CDH18: variants seen among roughly 807,000 people sequenced by gnomAD.
The protein encoded by CDH18 is cadherin 18.
Under a neutral mutation model 67.9 loss-of-function variants are expected in CDH18, and 31 were observed. The ratio of observed to expected loss-of-function variants is 0.46; its 90% confidence interval spans 0.34 to 0.62. The LOEUF is 0.62. Ranked by LOEUF, CDH18 falls within the 20% of genes least tolerant of loss-of-function variation. The pLI is 0.01. For synonymous variants in CDH18, 362 were observed against 347.2 expected (o/e 1.04, Z -0.48); for missense variants, 890 against 975.5 (o/e 0.91, Z 1.17).
rs1022124799 is a variant in CDH18, at chr5:20,020,177, A to G, written c.-517-28163T>C. ...GTGGCCTGGCTGCTTCTAACAGTGT[A>G]TGCTTATATTTGTGAACAAGATATA... is the stretch of plus-strand genomic sequence containing the variant. On this transcript the variant is annotated intron_variant, in intron 2 of 14. Coordinates refer to the CDH18 transcript ENST00000507958. Among the ~76,000 whole-genome samples, 10 of 152,156 alleles carry G rather than the reference A, an allele frequency of 6.6e-5. No individual in the cohort carries two copies. In the East Asian group the frequency reaches 1.9e-3, roughly 29 times the overall value.
intron 3 of CDH18, among the ~76,000 whole-genome samples, chr5:19,777,502 A>C (rs897853008): frequency 2.0e-5 from 3 of 152,134 alleles, no homozygotes; most frequent in Admixed American, 6.5e-5. Flanking sequence ...CAACCAACAG[A>C]AGAAAGATTC....
intron 2 of CDH18, among the ~76,000 whole-genome samples, chr5:20,023,614 G>A (rs966094670): frequency 2.1e-5 from 3 of 144,336 alleles, no homozygotes; most frequent in Admixed American, 7.1e-5. Flanking sequence ...AGCCGAGATC[G>A]CGCCACTGCA....
chr5:20,070,754 T>A (rs1743412807), intron 2 of CDH18, among the ~76,000 whole-genome samples: 1 of 152,214 alleles, frequency 6.6e-6, no homozygotes, highest in African/African-American at 2.4e-5. Context: ...CTTAACACTG[T>A]ACTTTCATTT....
intron 1 of CDH18, among the ~76,000 whole-genome samples, chr5:20,462,890 C>T (rs1298394426): frequency 6.6e-6 from 1 of 152,170 alleles, no homozygotes; most frequent in African/African-American, 2.4e-5. Flanking sequence ...TACATTGCTT[C>T]TCCCTCAAAC....
chr5:20,376,024 A>G (rs1392183651), intron 1 of CDH18, among the ~76,000 whole-genome samples: 1 of 151,832 alleles, frequency 6.6e-6, no homozygotes, highest in African/African-American at 2.4e-5. Context: ...TAAAACACTG[A>G]ATAAAGCTGG....
At chr5:20,361,054 A>G (rs1364057086) in intron 1 of CDH18, among the ~76,000 whole-genome samples, 1 of 152,088 alleles carries the variant, frequency 6.6e-6, no homozygotes, top group Non-Finnish European at 1.5e-5. Flanking sequence ...TTTAAAGAAG[A>G]ATTAAAAGCT....
intron 2 of CDH18, among the ~76,000 whole-genome samples, chr5:20,199,843 G>A (rs1467032780): frequency 1.3e-5 from 2 of 152,076 alleles, no homozygotes; most frequent in Non-Finnish European, 1.5e-5. Context: ...GAGATCTGAC[G>A]GTTTAATAAG....
intron 2 of CDH18, among the ~76,000 whole-genome samples, chr5:19,873,797 G>T (rs1467679839): frequency 6.6e-6 from 1 of 152,012 alleles, no homozygotes; most frequent in Non-Finnish European, 1.5e-5. Context: ...ACAGGAATAT[G>T]CTGCCATGCC....
chr5:19,856,977 C>T (rs561195155), intron 2 of CDH18, among the ~76,000 whole-genome samples: 3 of 152,158 alleles, frequency 2.0e-5, no homozygotes, highest in East Asian at 1.9e-4. Flanking sequence ...AATCCCAACA[C>T]TTTGGAAGGC....
At chr5:19,534,357 C>A (rs1749096749) in intron 9 of CDH18, among the ~76,000 whole-genome samples, 2 of 151,926 alleles carry the variant, frequency 1.3e-5, no homozygotes. Context: ...ATTTATCTCC[C>A]CAGGTTGTGA....
intron 2 of CDH18, among the ~76,000 whole-genome samples, chr5:20,191,204 C>T (rs544142973): frequency 2.1e-4 from 32 of 152,180 alleles, no homozygotes; most frequent in Admixed American, 1.7e-3. Flanking sequence ...TTGAGTTATA[C>T]GCTCTGAAGT....
chr5:20,571,692 T>G (rs1758829905), intron 1 of CDH18, among the ~76,000 whole-genome samples: 1 of 152,124 alleles, frequency 6.6e-6, no homozygotes, highest in African/African-American at 2.4e-5. Flanking sequence ...TCTTTACCAT[T>G]TTCATATTTC....
chr5:20,304,046 C>G, intron 1 of CDH18: 1 of 1,577,318 alleles, frequency 6.3e-7, no homozygotes, highest in Non-Finnish European at 8.7e-7. Flanking sequence ...TTCGCGTGTT[C>G]AGGCATCCTT....
At chr5:20,051,546 T>C (rs1741417694) in intron 2 of CDH18, among the ~76,000 whole-genome samples, 1 of 152,000 alleles carries the variant, frequency 6.6e-6, no homozygotes, top group Admixed American at 6.6e-5. Flanking sequence ...TATTTTAACA[T>C]TTAAGTAATA....
intron 2 of CDH18, among the ~76,000 whole-genome samples, chr5:19,846,763 T>G (rs1783011321): frequency 6.6e-6 from 1 of 152,110 alleles, no homozygotes; most frequent in Non-Finnish European, 1.5e-5. Context: ...TTTAGCATGT[T>G]TTCACTTCAA....
At chr5:19,619,604 C>A (rs116257701) in intron 5 of CDH18, among the ~76,000 whole-genome samples, 2 of 152,288 alleles carry the variant, frequency 1.3e-5, no homozygotes, top group African/African-American at 4.8e-5. Flanking sequence ...AGATTAGGTA[C>A]TCAGTGATTA....
At chr5:19,796,735 T>C (rs1776898917) in intron 3 of CDH18, among the ~76,000 whole-genome samples, 2 of 152,014 alleles carry the variant, frequency 1.3e-5, no homozygotes, top group Admixed American at 6.6e-5. Context: ...TAAAACACCA[T>C]ATGATATCCA....
At chr5:19,859,214 G>T (rs1433343049) in intron 2 of CDH18, among the ~76,000 whole-genome samples, 1 of 152,022 alleles carries the variant, frequency 6.6e-6, no homozygotes, top group Non-Finnish European at 1.5e-5. Flanking sequence ...GGGGTGGGAC[G>T]TGCCTCATTA....
intron 1 of CDH18, among the ~76,000 whole-genome samples, chr5:20,474,496 C>T (rs1232398250): frequency 1.3e-5 from 2 of 152,120 alleles, no homozygotes; most frequent in African/African-American, 4.8e-5. Flanking sequence ...ACTTAGTTCT[C>T]AGTCTTGGAA....
Sources: allele counts gnomAD v4.1 joint callset (sites outside exome capture counted in the v4.1 genomes callset), GRCh38; gene constraint gnomAD v4.1.1; transcripts MANE v1.5; gene names NCBI Gene and HGNC (gene_info 2026-07-23, HGNC 2026-07-21).